PCDHGA6: variants seen among roughly 807,000 people sequenced by gnomAD.
PCDHGA6 encodes the protein protocadherin gamma-A6.
In PCDHGA6, 41 loss-of-function variants were observed where a neutral mutation model predicts 60.6. The observed-to-expected ratio is 0.68, with a 90% CI of 0.53 to 0.88. The LOEUF (loss-of-function observed/expected upper bound fraction) is 0.88. Among genes scored for constraint, PCDHGA6 ranks in the 40% least tolerant of loss-of-function variants. The pLI, the probability that PCDHGA6 is intolerant of heterozygous loss-of-function variation, is 0.00. For synonymous variants in PCDHGA6, 594 were observed against 524.4 expected (o/e 1.13, Z -1.81); for missense variants, 1,312 against 1,203.0 (o/e 1.09, Z -1.34).
Position 141,487,500 on chromosome 5 carries a change from C to G in PCDHGA6, c.2425-7307C>G. 6.2e-7 allele frequency: 1 copy of G among 1,614,178 alleles called. No individual in the cohort carries two copies. Among genetic ancestry groups the G allele is most frequent in the East Asian group, 2.2e-5 (1 of 44,862 alleles). Reference sequence around the variant, plus strand: ...CACTCTCATGGCTGTACACCCTTGGCTTCTGCACCCACTCGGAGTGATAGC... The same window carrying G: ...CACTCTCATGGCTGTACACCCTTGGGTTCTGCACCCACTCGGAGTGATAGC... On this transcript the variant is annotated intron_variant, in intron 1 of 3. Coordinates refer to ENST00000517434, the MANE Select transcript of PCDHGA6 (RefSeq NM_018919.3). The surrounding 1 kb of genome is among the most constrained non-coding windows in gnomAD (Gnocchi z 5.0).
chr5:141,491,434 A>T lies in PCDHGA6; in HGVS notation c.2425-3373A>T. 6.2e-7 allele frequency: 1 copy of T among 1,614,032 alleles called. No homozygotes were observed. Among genetic ancestry groups the T allele is most frequent in the Non-Finnish European group, 8.5e-7 (1 of 1,179,988 alleles). On this transcript the variant is annotated intron_variant, in intron 1 of 3. Transcript: ENST00000517434. The surrounding 1 kb of genome is among the most constrained non-coding windows in gnomAD (Gnocchi z 6.9). ...GGACGGGGGTGGAGGGCAGTGCTGC[A>T]GGCGCCAGGACTCACCCTCCCCGGA...
intron 1 of PCDHGA6, among the ~76,000 whole-genome samples, chr5:141,454,607 T>C (rs1207742002): frequency 6.6e-6 from 1 of 151,574 alleles, no homozygotes; most frequent in Non-Finnish European, 1.5e-5. Flanking sequence ...GGTTTCTCCA[T>C]GTTGGTCAGG....
At chr5:141,377,761 T>C (rs917483532) in intron 1 of PCDHGA6, 27 of 152,190 alleles carry the variant, frequency 1.8e-4, no homozygotes, top group African/African-American at 5.8e-4. Context: ...GGACACCAGA[T>C]CTTTGGTGTT....
At position 141,489,662 on chromosome 5, in the gene PCDHGA6, G is replaced by A. The variant is rs2233601; in HGVS notation, c.2425-5145G>A. On this transcript the variant is annotated intron_variant, in intron 1 of 3. Coordinates refer to ENST00000517434, the MANE Select transcript of PCDHGA6 (RefSeq NM_018919.3). This position sits in a 1 kb window ranked among gnomAD's most constrained non-coding sequence, Gnocchi z 4.5. ...TTTGCCACCCCTGAGCGAGAGATGC[G>A]CATCTCAGAATCAGCAGCATCTGGG... The A allele has an allele frequency of 4.0e-4, 649 of 1,614,144 alleles. 2 individuals are homozygous for A. The highest frequency in any genetic ancestry group is 1.5e-3 in the Middle Eastern group (9 of 6,062).
intron 1 of PCDHGA6, chr5:141,419,502 T>C: frequency 6.2e-7 from 1 of 1,612,388 alleles, no homozygotes; most frequent in Admixed American, 1.7e-5. Context: ...AATGTGAGCC[T>C]GCGCGTGTTG....
intron 1 of PCDHGA6, chr5:141,418,737 C>G (rs768683069): frequency 6.2e-7 from 1 of 1,613,842 alleles, no homozygotes; most frequent in African/African-American, 1.3e-5. Context: ...CACGTGTTCT[C>G]TCTGGATTAC....
At position 141,376,005 on chromosome 5, in the gene PCDHGA6, G is replaced by A. The variant is rs1265900699; in HGVS notation, c.1922G>A (p.Ser641Asn). 1 of 1,613,430 alleles carries A rather than the reference G, an allele frequency of 6.2e-7. No homozygotes were observed. The highest frequency in any genetic ancestry group is 8.5e-7 in the Non-Finnish European group (1 of 1,179,906). Residue 641 changes from serine to asparagine, a missense_variant, in exon 1 of 4, where the codon AGC (serine) becomes AAC (asparagine). Ser to Asn is a conservative substitution (Grantham distance 46, BLOSUM62 1). Transcript: ENST00000517434. Reference sequence around the variant, plus strand: ...CTGGACAGAGACGCGCTCAAGCAGAGCCTAGTGGTGGCCGTCCAGGACCAC... The same window carrying A: ...CTGGACAGAGACGCGCTCAAGCAGAACCTAGTGGTGGCCGTCCAGGACCAC... ...ALLDRDALKQ[S>N]LVVAVQDHGQ...
At chr5:141,419,114 A>G in intron 1 of PCDHGA6, 1 of 1,613,926 alleles carries the variant, frequency 6.2e-7, no homozygotes. Flanking sequence ...CCCAGAGTAC[A>G]ACGTCACCAT....
At chr5:141,413,588 A>C in intron 1 of PCDHGA6, 1 of 1,613,922 alleles carries the variant, frequency 6.2e-7, no homozygotes, top group South Asian at 1.1e-5. Flanking sequence ...CCAAAATTCC[A>C]AGCAGAAAAT....
chr5:141,481,179 T>C (rs115525079), intron 1 of PCDHGA6, among the ~76,000 whole-genome samples: 16 of 152,358 alleles, frequency 1.1e-4, no homozygotes, highest in African/African-American at 3.6e-4. Flanking sequence ...TCCAGCTTTA[T>C]TGGGCCAGGC....
At chr5:141,403,430 C>A in intron 1 of PCDHGA6, 1 of 1,614,022 alleles carries the variant, frequency 6.2e-7, no homozygotes, top group Non-Finnish European at 8.5e-7. Flanking sequence ...AGCTATTGAT[C>A]CGGATGTTGG....
At chr5:141,425,209 A>G (rs2096861765) in intron 1 of PCDHGA6, among the ~76,000 whole-genome samples, 1 of 152,180 alleles carries the variant, frequency 6.6e-6, no homozygotes, top group African/African-American at 2.4e-5. Context: ...GATGTAAGGC[A>G]TTGTACTTTG....
In PCDHGA6 at chr5:141,490,935, G is replaced by A. The variant is rs1371144225; in HGVS notation, c.2425-3872G>A. On this transcript the variant is annotated intron_variant, in intron 1 of 3. Transcript: ENST00000517434. The surrounding 1 kb of genome is among the most constrained non-coding windows in gnomAD (Gnocchi z 5.4). ...AGAATGATAATGCCCCAGCTGTGCTGCACCCACGGCCAGACTGGGAACACT... is the reference window on the plus strand; with the variant it reads ...AGAATGATAATGCCCCAGCTGTGCTACACCCACGGCCAGACTGGGAACACT... 1.9e-6 allele frequency: 3 copies of A among 1,613,638 alleles called. No homozygotes were observed. The highest frequency in any genetic ancestry group is 2.2e-5 in the South Asian group (2 of 91,032).
intron 1 of PCDHGA6, chr5:141,478,790 C>T: frequency 6.8e-7 from 1 of 1,472,906 alleles, no homozygotes. Flanking sequence ...AATTCACATC[C>T]TCAGCACTCT....
At chr5:141,499,557 C>G (rs972965979) in intron 2 of PCDHGA6, among the ~76,000 whole-genome samples, 1 of 152,192 alleles carries the variant, frequency 6.6e-6, no homozygotes, top group African/African-American at 2.4e-5. Context: ...TATGATACCA[C>G]TATCCAGCTT....
chr5:141,418,095 C>T, intron 1 of PCDHGA6: 1 of 1,614,006 alleles, frequency 6.2e-7, no homozygotes, highest in Non-Finnish European at 8.5e-7. Context: ...AGCGTAGACG[C>T]GCAGAGCGGG....
At chr5:141,393,021 G>A (rs758868753) in intron 1 of PCDHGA6, 1 of 1,613,850 alleles carries the variant, frequency 6.2e-7, no homozygotes, top group Non-Finnish European at 8.5e-7. Context: ...CGTCTCCAGA[G>A]GTAGGACGCA....
intron 3 of PCDHGA6, among the ~76,000 whole-genome samples, chr5:141,507,817 G>C (rs1038461861): frequency 3.3e-5 from 5 of 152,206 alleles, no homozygotes; most frequent in Non-Finnish European, 5.9e-5. Context: ...AACGGACCCT[G>C]GGGGTGGAGG....
intron 1 of PCDHGA6, chr5:141,416,540 G>T (rs1439132249): frequency 6.6e-6 from 1 of 151,974 alleles, no homozygotes; most frequent in Non-Finnish European, 1.5e-5. Flanking sequence ...GTATAAGGAG[G>T]CAAACACCTG....
Sources: allele counts gnomAD v4.1 joint callset (sites outside exome capture counted in the v4.1 genomes callset), GRCh38; gene constraint gnomAD v4.1.1; non-coding constraint Gnocchi (gnomAD v3.1); transcripts MANE v1.5; gene names NCBI Gene and HGNC (gene_info 2026-07-23, HGNC 2026-07-21).